Variants in ROBO2 observed in about 807,000 individuals in gnomAD.
ROBO2 encodes the protein roundabout guidance receptor 2.
ROBO2 carries 53 observed loss-of-function variants against 160.8 expected under a neutral mutation model. The observed-to-expected ratio is 0.33, with a 90% confidence interval of 0.26 to 0.41. The LOEUF is 0.41. Ranked by LOEUF, ROBO2 falls within the 10% of genes least tolerant of loss-of-function variation. The pLI, the probability that ROBO2 is intolerant of heterozygous loss-of-function variation, is 1.00. For synonymous variants in ROBO2, 664 were observed against 611.7 expected, an observed-to-expected ratio of 1.09 and a Z score of -1.26; for missense variants, 1,577 against 1,722.4, an observed-to-expected ratio of 0.92 and a Z score of 1.49.
At chr3:77,630,191 A>G (rs1310090687) in intron 23 of ROBO2, 1 of 152,236 alleles carries the variant, frequency 6.6e-6, no homozygotes, top group Non-Finnish European at 1.5e-5. Flanking sequence ...CACAGGCTGT[A>G]AGAGTGAATG....
At chr3:75,999,561 G>T (rs535094638) in intron 2 of ROBO2, among the ~76,000 whole-genome samples, 1 of 152,212 alleles carries the variant, frequency 6.6e-6, no homozygotes, top group Non-Finnish European at 1.5e-5. Context: ...CAACTGGAAA[G>T]CATTTTTTAA....
rs116348967 is a variant in ROBO2, at chr3:77,457,403, T to G, written c.389-20011T>G. 6.2e-3 allele frequency among the ~76,000 whole-genome samples: 939 copies of G among 152,320 alleles called. 11 individuals carry two copies. Among genetic ancestry groups the G allele is most frequent in the African/African-American group, 0.021 (877 of 41,582 alleles). On this transcript the variant is annotated intron_variant, in intron 2 of 25. Coordinates refer to ENST00000461745, the Ensembl canonical transcript of ROBO2. ...GTAATAAATGACAATAACATTTGCTTAGTGTAAGTTTAAAATATAAAGAGA... is the reference window on the plus strand; with the variant it reads ...GTAATAAATGACAATAACATTTGCTGAGTGTAAGTTTAAAATATAAAGAGA...
At chr3:77,599,485 C>T (rs1444709799) in intron 19 of ROBO2, among the ~76,000 whole-genome samples, 12 of 99,980 alleles carry the variant, frequency 1.2e-4, no homozygotes, top group East Asian at 5.9e-4. Flanking sequence ...CATCACACAC[C>T]GGGGCCTGTT....
At chr3:76,828,958 C>T (rs1000726498) in intron 2 of ROBO2, among the ~76,000 whole-genome samples, 3 of 151,978 alleles carry the variant, frequency 2.0e-5, no homozygotes, top group Admixed American at 6.6e-5. Flanking sequence ...TCTTGCCTTC[C>T]GGTCTACATC....
chr3:77,238,171 A>T (rs180821762), intron 2 of ROBO2, among the ~76,000 whole-genome samples: 141 of 152,252 alleles, frequency 9.3e-4, no homozygotes, highest in African/African-American at 3.3e-3. Context: ...ATTTTCTCTC[A>T]GCCCGTGTTT....
Position 77,488,828 on chromosome 3 carries a change from T to C in ROBO2, c.668-4416T>C, listed in dbSNP as rs150149189. On this transcript the variant is annotated intron_variant, in intron 4 of 25. Transcript: ENST00000461745. ...ACATTTTTGGCCTGTACAACTTCTT[T>C]AGTCTTCATATTTATGTTTCTGATT... 7.0e-3 allele frequency among the ~76,000 whole-genome samples: 1,062 copies of C among 152,318 alleles called. 13 individuals are homozygous for C. The highest frequency in any genetic ancestry group is 0.025 in the African/African-American group (1,024 of 41,570).
At chr3:77,482,164 ATAT>A (rs200961048) in intron 4 of ROBO2, among the ~76,000 whole-genome samples, 2,260 of 152,228 alleles carry the variant, frequency 0.015, 46 homozygotes, top group African/African-American at 0.05. Context: ...ACTATAGCAG[ATAT>A]TATGTGATTT....
chr3:76,789,794 G>GA (rs1452061758), intron 2 of ROBO2, among the ~76,000 whole-genome samples: 1 of 151,540 alleles, frequency 6.6e-6, no homozygotes, highest in Admixed American at 6.6e-5. Flanking sequence ...CAAGAAAAAG[G>GA]AATGTCATGT....
intron 2 of ROBO2, among the ~76,000 whole-genome samples, chr3:76,006,795 A>T (rs1419606038): frequency 1.3e-5 from 2 of 152,002 alleles, no homozygotes; most frequent in Non-Finnish European, 2.9e-5. Context: ...TCTAAAATTT[A>T]TTTTTTTGCT....
chr3:76,153,679 A>G (rs781279862), intron 2 of ROBO2, among the ~76,000 whole-genome samples: 3 of 152,136 alleles, frequency 2.0e-5, no homozygotes, highest in Admixed American at 6.6e-5. Context: ...TTTCCCTCAC[A>G]TGGAGCCCAA....
chr3:77,123,002 A>G (rs1266679414), intron 2 of ROBO2, among the ~76,000 whole-genome samples: 1 of 152,118 alleles, frequency 6.6e-6, no homozygotes, highest in Non-Finnish European at 1.5e-5. Context: ...CAAAGTCATT[A>G]CTTTGTTATT....
At chr3:77,127,312 A>G (rs1212570899) in intron 2 of ROBO2, among the ~76,000 whole-genome samples, 1 of 152,094 alleles carries the variant, frequency 6.6e-6, no homozygotes, top group African/African-American at 2.4e-5. Flanking sequence ...AATCTTGCGC[A>G]CAGTTGTCCT....
At chr3:77,311,915 C>T (rs983876302) in intron 2 of ROBO2, among the ~76,000 whole-genome samples, 5 of 151,896 alleles carry the variant, frequency 3.3e-5, no homozygotes, top group African/African-American at 1.2e-4. Flanking sequence ...GATGAAACCC[C>T]GTCTCTACTA....
At chr3:77,154,655 TGTG>T (rs2077831439) in intron 2 of ROBO2, among the ~76,000 whole-genome samples, 1 of 151,664 alleles carries the variant, frequency 6.6e-6, no homozygotes, top group South Asian at 2.1e-4. Context: ...ATAAAGAAAA[TGTG>T]GTGCATGTAT....
intron 2 of ROBO2, among the ~76,000 whole-genome samples, chr3:77,165,565 AT>A (rs1261109794): frequency 3.3e-5 from 4 of 121,448 alleles, no homozygotes; most frequent in East Asian, 2.0e-4. Context: ...CAATAAAAAA[AT>A]AAATTAAAAA....
At chr3:77,210,075 A>G (rs934373254) in intron 2 of ROBO2, among the ~76,000 whole-genome samples, 2 of 152,150 alleles carry the variant, frequency 1.3e-5, no homozygotes, top group African/African-American at 4.8e-5. Flanking sequence ...ACTAAAGCTC[A>G]AGATTTTTTT....
At chr3:76,539,144 T>C (rs2082679241) in intron 2 of ROBO2, among the ~76,000 whole-genome samples, 2 of 151,776 alleles carry the variant, frequency 1.3e-5, no homozygotes, top group African/African-American at 4.8e-5. Flanking sequence ...AGCTGAACAA[T>C]GAGAACACAT....
chr3:76,600,094 C>T (rs1413045098), intron 2 of ROBO2, among the ~76,000 whole-genome samples: 1 of 152,104 alleles, frequency 6.6e-6, no homozygotes, highest in Non-Finnish European at 1.5e-5. Flanking sequence ...TTGCTTTTGG[C>T]ATCTTCATCA....
chr3:76,096,592 A>G (rs970345896), intron 2 of ROBO2, among the ~76,000 whole-genome samples: 5 of 152,108 alleles, frequency 3.3e-5, no homozygotes, highest in African/African-American at 1.2e-4. Context: ...TTATCTCTGA[A>G]TTTCTATAGA....
Sources: gnomAD v4.1 joint callset for allele counts (sites outside exome capture counted in the v4.1 genomes callset) on GRCh38, gnomAD v4.1.1 for gene constraint, MANE v1.5 for transcripts, NCBI Gene and HGNC (gene_info 2026-07-23, HGNC 2026-07-21) for gene names.